The following JTB variants were observed in gnomAD, a reference collection of about 807,000 sequenced individuals.
JTB encodes protein JTB.
A neutral mutation model predicts 22.1 loss-of-function variants in JTB; 10 were observed. The observed-to-expected ratio is 0.45, with a 90% CI of 0.28 to 0.77. The LOEUF is 0.77. JTB is among the 30% of genes least tolerant of loss of function. The pLI, the probability that JTB is intolerant of heterozygous loss-of-function variation, is 0.13. For missense variants in JTB, 137 were observed against 180.3 expected, an observed-to-expected ratio of 0.76 and a Z score of 1.38; for synonymous variants, 83 against 66.8, an observed-to-expected ratio of 1.24 and a Z score of -1.18.
At chr1:153,976,558 A>G in intron 3 of JTB, 135 bp downstream of exon 3, 1 of 719,258 alleles carries the variant, frequency 1.4e-6, no homozygotes. Flanking sequence ...ACAGATTTGG[A>G]CATACACTGA....
In JTB at chr1:153,975,392, T is replaced by C. The variant is rs537955909; in HGVS notation, c.284+434A>G. ...CCTCGGCCTCCCAAAGTGCTGGGAT[T>C]ACAGGCGTGAGCCACCCCTCCCAGC... is the stretch of plus-strand genomic sequence containing the variant. On this transcript the variant is annotated intron_variant, in intron 4 of 4. Coordinates refer to ENST00000271843, the MANE Select transcript of JTB (RefSeq NM_006694.4). 1.1e-3 allele frequency among the ~76,000 whole-genome samples: 161 copies of C among 150,204 alleles called. 1 individual carries two copies. Among genetic ancestry groups the C allele is most frequent in the African/African-American group, 3.3e-3 (136 of 40,880 alleles).
At position 153,975,795 on chromosome 1, in the gene JTB, G is replaced by A. The variant is rs1648775959; in HGVS notation, c.284+31C>T. Reference sequence around the variant, plus strand: ...CATCTAAAGTCATAGGAGCAAAGGAGGTGATCTCAGAGAAGAGAAACAGCA... The same window carrying A: ...CATCTAAAGTCATAGGAGCAAAGGAAGTGATCTCAGAGAAGAGAAACAGCA... On this transcript the variant is annotated intron_variant, in intron 4 of 4. Transcript: ENST00000271843. 2.6e-6 allele frequency: 4 copies of A among 1,551,344 alleles called. No homozygotes were observed. The South Asian group carries it at 4.5e-5, about 17-fold the overall frequency.
In JTB at chr1:153,975,814, A is replaced by T; in HGVS notation, c.284+12T>A. The T allele has an allele frequency of 6.2e-7, 1 of 1,607,950 alleles. No individual in the cohort carries two copies. The highest frequency in any genetic ancestry group is 8.5e-7 in the Non-Finnish European group (1 of 1,174,384). Reference sequence around the variant, plus strand: ...AAAGGAGGTGATCTCAGAGAAGAGAAACAGCACTCACCTTTTGAACTCATT... The same window carrying T: ...AAAGGAGGTGATCTCAGAGAAGAGATACAGCACTCACCTTTTGAACTCATT... On this transcript the variant is annotated intron_variant, in intron 4 of 4. Coordinates refer to ENST00000271843, the MANE Select transcript of JTB (RefSeq NM_006694.4).
At chr1:153,975,157 T>G (rs1648741807) in intron 4 of JTB, among the ~76,000 whole-genome samples, 1 of 152,218 alleles carries the variant, frequency 6.6e-6, no homozygotes, top group Non-Finnish European at 1.5e-5. Flanking sequence ...TGTCTCGCTC[T>G]GTCACCCAGA....
chr1:153,974,328 T>A lies in JTB; in HGVS notation c.*351A>T. 1 of 447,268 alleles carries A rather than the reference T, an allele frequency of 2.2e-6. No homozygotes were observed. Among genetic ancestry groups the A allele is most frequent in the Non-Finnish European group, 4.0e-6 (1 of 251,078 alleles). 27.7% of individuals were successfully genotyped at this position (447,268 alleles called of 1,614,324 possible). A position where few individuals can be genotyped will look rare whatever the true frequency, so the allele number is the denominator to read the frequency against. ...GGGTATAGGGTTGAGGGGAAATAAG[T>A]TTTGAGTGAGAAATAAACGTTTTAG... On this transcript the variant is annotated 3_prime_UTR_variant, in exon 5 of 5. Transcript: ENST00000271843.
Position 153,977,484 on chromosome 1 carries a change from G to T in JTB, c.-232C>A, listed in dbSNP as rs1295927014. On this transcript the variant is annotated 5_prime_UTR_variant, in exon 1 of 5. Transcript: ENST00000271843. ...GCTAGGGAGGCGAGCGCCTTCTGCG[G>T]GGTCCGCAGGGCGCTGGAGGAAGGG... is the stretch of plus-strand genomic sequence containing the variant. 5 of 1,264,164 alleles carry T rather than the reference G, an allele frequency of 4.0e-6. No homozygotes were observed. The highest frequency in any genetic ancestry group is 1.6e-5 in the African/African-American group (1 of 64,364). The allele number at this position is 1,264,164 out of a possible 1,614,324, so 78.3% of individuals were successfully genotyped here. A position where few individuals can be genotyped will look rare whatever the true frequency, so the allele number is the denominator to read the frequency against.
intron 3 of JTB, among the ~76,000 whole-genome samples, chr1:153,976,332 G>A (rs1199089649): frequency 6.6e-6 from 1 of 152,146 alleles, no homozygotes; most frequent in Non-Finnish European, 1.5e-5. Flanking sequence ...ATGGTGCAAC[G>A]CGCCTTTAGT....
chr1:153,976,663 A>T (rs1490550568), intron 3 of JTB, 30 bp downstream of exon 3: 1 of 1,572,528 alleles, frequency 6.4e-7, no homozygotes, highest in Non-Finnish European at 8.7e-7. Context: ...GATGTTTAAA[A>T]AAAAAAAGGG....
At chr1:153,976,006 G>A in intron 3 of JTB, 101 bp from the exon 4 acceptor site, 1 of 774,384 alleles carries the variant, frequency 1.3e-6, no homozygotes, top group Non-Finnish European at 2.3e-6. Flanking sequence ...GCTATGGTTT[G>A]GAGTGGTAGG....
In JTB at chr1:153,976,725, C is replaced by T. The variant is rs1648806179; in HGVS notation, c.172G>A (p.Glu58Lys). The part of the protein sequence containing the change: ...CWLVEEFVVA[E>K]ECSPCSNFRA... ...AAATTAGAGCATGGAGAGCACTCTT[C>T]TGCTACCACAAACTCTTCCACCAGC... The change falls in exon 3 of 5, where the codon GAA (glutamate) becomes AAA (lysine). Residue 58 changes from glutamate to lysine, a missense_variant. Coordinates refer to ENST00000271843, the MANE Select transcript of JTB (RefSeq NM_006694.4). 1.9e-6 allele frequency: 3 copies of T among 1,614,128 alleles called. No individual in the cohort carries two copies. Among genetic ancestry groups the T allele is most frequent in the East Asian group, 2.2e-5 (1 of 44,876 alleles).
chr1:153,976,791 A>G lies in JTB; in HGVS notation c.122-16T>C, dbSNP rs763302304. 6.2e-6 allele frequency: 10 copies of G among 1,613,542 alleles called. No homozygotes were observed. Among genetic ancestry groups the G allele is most frequent in the Admixed American group, 1.7e-5 (1 of 60,008 alleles). On this transcript the variant is annotated splice_polypyrimidine_tract_variant and intron_variant, in intron 2 of 4. Transcript: ENST00000271843. ...GAGGTGCTTGCTGAAAGGAAAGATA[A>G]ATGCCAGCCCCAGGCCATTCAGAAA...
chr1:153,976,565 C>T (rs1357851557), intron 3 of JTB, 128 bp downstream of exon 3: 3 of 769,658 alleles, frequency 3.9e-6, no homozygotes, highest in Admixed American at 2.4e-5. Flanking sequence ...TGGACATACA[C>T]TGAGACTGCA....
intron 3 of JTB, among the ~76,000 whole-genome samples, chr1:153,976,236 G>A (rs995161489): frequency 6.6e-6 from 1 of 152,240 alleles, no homozygotes; most frequent in Non-Finnish European, 1.5e-5. Flanking sequence ...GGCCGAGGCG[G>A]GCAGATCACG....
chr1:153,977,365 T>A lies in JTB; in HGVS notation c.-113A>T. 6.6e-7 allele frequency: 1 copy of A among 1,504,422 alleles called. No homozygotes were observed. Among genetic ancestry groups the A allele is most frequent in the Non-Finnish European group, 8.8e-7 (1 of 1,132,380 alleles). The allele number at this position is 1,504,422 out of a possible 1,614,324, so 93.2% of individuals were successfully genotyped here. A position where few individuals can be genotyped will look rare whatever the true frequency, so the allele number is the denominator to read the frequency against. ...CTGCAGCCCTCCCAGAGGTTCCAGG[T>A]CAGGGCAGGGAAGGCCGGAGTTGCC... On this transcript the variant is annotated 5_prime_UTR_variant, in exon 1 of 5. Transcript: ENST00000271843.
In JTB at chr1:153,974,845, G is replaced by A; in HGVS notation, c.285-10C>T. 6.3e-7 allele frequency: 1 copy of A among 1,597,490 alleles called. No individual in the cohort carries two copies. Among genetic ancestry groups the A allele is most frequent in the African/African-American group, 1.3e-5 (1 of 74,830 alleles). ...CAAAGCTGAGCGGCAGCTGAGGGCAGGAAGGAATAGTTATTCCCAAGGAAG... is the reference window on the plus strand; with the variant it reads ...CAAAGCTGAGCGGCAGCTGAGGGCAAGAAGGAATAGTTATTCCCAAGGAAG... On this transcript the variant is annotated splice_polypyrimidine_tract_variant and intron_variant, in intron 4 of 4. Coordinates refer to ENST00000271843, the MANE Select transcript of JTB (RefSeq NM_006694.4).
Position 153,974,498 on chromosome 1 carries a change from C to T in JTB, c.*181G>A, listed in dbSNP as rs753615344. ...CCCCATGACTTCCTGCTCCAAGTTA[C>T]AGAAGGGAAGGAAACCATTTTACTC... On this transcript the variant is annotated 3_prime_UTR_variant, in exon 5 of 5. Transcript: ENST00000271843. The T allele has an allele frequency of 5.9e-6, 3 of 506,936 alleles. No individual in the cohort carries two copies. The highest frequency in any genetic ancestry group is 1.0e-5 in the Non-Finnish European group (3 of 295,300). The allele number at this position is 506,936 out of a possible 1,614,324, so 31.4% of individuals were successfully genotyped here. A position where few individuals can be genotyped will look rare whatever the true frequency, so the allele number is the denominator to read the frequency against.
rs1648706427 is a variant in JTB, at chr1:153,974,425, G to C, written c.*254C>G. The C allele has an allele frequency of 7.1e-6, 3 of 422,824 alleles. No homozygotes were observed. The highest frequency in any genetic ancestry group is 1.3e-5 in the Non-Finnish European group (3 of 235,836). The allele number at this position is 422,824 out of a possible 1,614,324, so 26.2% of individuals were successfully genotyped here. A position where few individuals can be genotyped will look rare whatever the true frequency, so the allele number is the denominator to read the frequency against. ...AAAACAAGGGAGAAGTGGTGGGGAA[G>C]ACTTGGTAGATTGGGGCCTTAAGTA... On this transcript the variant is annotated 3_prime_UTR_variant, in exon 5 of 5. Coordinates refer to ENST00000271843, the MANE Select transcript of JTB (RefSeq NM_006694.4).
At position 153,975,291 on chromosome 1, in the gene JTB, T is replaced by C. The variant is rs557477634; in HGVS notation, c.285-456A>G. Among the ~76,000 whole-genome samples, 9 of 151,718 alleles carry C rather than the reference T, an allele frequency of 5.9e-5. No homozygotes were observed. The South Asian group carries it at 1.9e-3, about 32-fold the overall frequency. The stretch of plus-strand genomic sequence containing the variant: ...GCCCGCCATCATGCCCAGCTAATTT[T>C]TGTATCTTTAAGAGAGATGAGGTTT... On this transcript the variant is annotated intron_variant, in intron 4 of 4. Transcript: ENST00000271843.
rs779359649 is a variant in JTB at position 153,977,286 on chromosome 1, G to A, written c.-34C>T. 1.9e-6 allele frequency: 3 copies of A among 1,611,236 alleles called. No individual in the cohort carries two copies. The highest frequency in any genetic ancestry group is 2.5e-6 in the Non-Finnish European group (3 of 1,178,838). On this transcript the variant is annotated 5_prime_UTR_variant, in exon 1 of 5. Transcript: ENST00000271843. ...AAGTGTCGCACCTGTCGGAACAGAGGGACCTACTCCACAGGCCTCGTGCCT... is the reference window on the plus strand; with the variant it reads ...AAGTGTCGCACCTGTCGGAACAGAGAGACCTACTCCACAGGCCTCGTGCCT...
Sources: allele counts gnomAD v4.1 joint callset (sites outside exome capture counted in the v4.1 genomes callset), GRCh38; gene constraint gnomAD v4.1.1; transcripts MANE v1.5; gene names NCBI Gene and HGNC (gene_info 2026-07-23, HGNC 2026-07-21).